DRC8: variants seen among roughly 807,000 people sequenced by gnomAD.
DRC8 encodes dynein regulatory complex protein 8.
chr1:245,063,698 C>G, the DRC8 span, among the ~76,000 whole-genome samples: 2 of 152,166 alleles, frequency 1.3e-5, no homozygotes, highest in African/African-American at 4.8e-5. Flanking sequence ...GCCCACTGCT[C>G]TGCAGCCTGG....
the DRC8 span, among the ~76,000 whole-genome samples, chr1:244,991,014 TG>T: frequency 6.6e-6 from 1 of 152,172 alleles, no homozygotes; most frequent in Non-Finnish European, 1.5e-5. Context: ...GTTAAGGATT[TG>T]GTCCCACAAG....
At chr1:245,096,788 C>A in the DRC8 span, among the ~76,000 whole-genome samples, 1 of 152,180 alleles carries the variant, frequency 6.6e-6, no homozygotes, top group African/African-American at 2.4e-5. Context: ...GCTGAAGTAG[C>A]TTTTTAATAG....
chr1:244,970,967 G>C, the DRC8 span: 37 of 169,266 alleles, frequency 2.2e-4, no homozygotes, highest in Admixed American at 5.2e-4. Context: ...GTGGGCCCCG[G>C]GGGGTGGCCT....
the DRC8 span, among the ~76,000 whole-genome samples, chr1:245,040,655 T>G: frequency 2.0e-5 from 3 of 152,196 alleles, no homozygotes; most frequent in African/African-American, 7.2e-5. Context: ...TACAAATTAA[T>G]TATTGTCTGG....
At chr1:244,970,744 C>T in the DRC8 span, 2 of 457,496 alleles carry the variant, frequency 4.4e-6, no homozygotes, top group South Asian at 3.4e-5. Context: ...TCTCCTCCCG[C>T]CCTCTTCACC....
chr1:245,018,044 TG>T, the DRC8 span, among the ~76,000 whole-genome samples: 1 of 151,976 alleles, frequency 6.6e-6, no homozygotes, highest in Admixed American at 6.6e-5. Context: ...CTGACCAACA[TG>T]GTGAAACTCT....
the DRC8 span, among the ~76,000 whole-genome samples, chr1:245,069,225 A>C: frequency 5.3e-5 from 8 of 152,336 alleles, no homozygotes; most frequent in East Asian, 1.5e-3. Context: ...TAACATACAC[A>C]ATCAATTAAC....
the DRC8 span, among the ~76,000 whole-genome samples, chr1:244,995,179 G>A: frequency 6.6e-6 from 1 of 151,970 alleles, no homozygotes; most frequent in African/African-American, 2.4e-5. Flanking sequence ...TGGCCAACAT[G>A]GCGAAACCCC....
the DRC8 span, among the ~76,000 whole-genome samples, chr1:245,025,629 A>G: frequency 2.0e-5 from 3 of 152,252 alleles, no homozygotes; most frequent in East Asian, 1.9e-4. Flanking sequence ...CTATGCTTCA[A>G]TGCCTTTACA....
chr1:245,101,696 A>C, the DRC8 span, among the ~76,000 whole-genome samples: 6 of 152,328 alleles, frequency 3.9e-5, no homozygotes, highest in African/African-American at 1.4e-4. Flanking sequence ...AAATTGATAC[A>C]TAATAGATGT....
chr1:245,008,660 T>C, the DRC8 span, among the ~76,000 whole-genome samples: 1 of 140,620 alleles, frequency 7.1e-6, no homozygotes, highest in African/African-American at 2.7e-5. Context: ...TCTCTTAACA[T>C]GTTCTCACAC....
the DRC8 span, among the ~76,000 whole-genome samples, chr1:245,069,141 T>C: frequency 6.6e-6 from 1 of 152,128 alleles, no homozygotes; most frequent in African/African-American, 2.4e-5. Flanking sequence ...CCCGTGCAGT[T>C]GAAAATCCAA....
At chr1:244,988,091 C>T in the DRC8 span, among the ~76,000 whole-genome samples, 1 of 152,098 alleles carries the variant, frequency 6.6e-6, no homozygotes. Flanking sequence ...TTAGTCTTTG[C>T]AGCATTTCCA....
the DRC8 span, among the ~76,000 whole-genome samples, chr1:245,004,971 G>A: frequency 1.3e-5 from 2 of 152,110 alleles, no homozygotes; most frequent in South Asian, 4.1e-4. Context: ...CTAGTTTTCC[G>A]AGTGTTTTTA....
At chr1:245,061,590 G>A in the DRC8 span, among the ~76,000 whole-genome samples, 1 of 151,684 alleles carries the variant, frequency 6.6e-6, no homozygotes, top group Non-Finnish European at 1.5e-5. Context: ...CAAATAAATG[G>A]GTGGGAAAAA....
the DRC8 span, among the ~76,000 whole-genome samples, chr1:244,984,061 C>G: frequency 2.0e-5 from 3 of 151,904 alleles, no homozygotes; most frequent in Non-Finnish European, 4.4e-5. Context: ...CTCAAGCGGT[C>G]CTCCCACCTC....
the DRC8 span, among the ~76,000 whole-genome samples, chr1:245,007,814 G>C: frequency 6.6e-6 from 1 of 152,076 alleles, no homozygotes; most frequent in African/African-American, 2.4e-5. Context: ...GTTCTGAAAG[G>C]GACTTCAAGA....
At chr1:245,059,542 C>G in the DRC8 span, 1 of 1,223,708 alleles carries the variant, frequency 8.2e-7, no homozygotes, top group African/African-American at 1.5e-5. Flanking sequence ...TTACCGGAAA[C>G]TAAAAAAAAG....
the DRC8 span, among the ~76,000 whole-genome samples, chr1:245,119,464 ACCAGTCTCGGCAACAAAGCGAGG>A: frequency 1.3e-5 from 2 of 150,166 alleles, no homozygotes; most frequent in African/African-American, 4.9e-5. Flanking sequence ...GGAGTTGGAG[ACCAGTCTCGGCAACAAAGCGAGG>A]CCCTGTCTCT....
Sources: gnomAD v4.1 joint callset for allele counts (sites outside exome capture counted in the v4.1 genomes callset) on GRCh38, gnomAD v4.1.1 for gene constraint, MANE v1.5 for transcripts, NCBI Gene and HGNC (gene_info 2026-07-23, HGNC 2026-07-21) for gene names.